Variants in AGBL4 observed in about 807,000 individuals in gnomAD.
The protein encoded by AGBL4 is AGBL carboxypeptidase 4, also known as cytosolic carboxypeptidase 6.
A neutral mutation model predicts 66.4 loss-of-function variants in AGBL4; 58 were observed. The ratio of observed to expected loss-of-function variants is 0.87; its 90% CI spans 0.71 to 1.09. AGBL4 has a LOEUF of 1.09. AGBL4 is among the 50% of genes least tolerant of loss of function. The probability of loss-of-function intolerance (pLI) is 0.00; values close to 1 mark genes in which losing one functional copy is unlikely to be tolerated. For synonymous variants in AGBL4, 234 were observed against 222.9 expected (o/e 1.05, Z -0.44); for missense variants, 579 against 631.0 (o/e 0.92, Z 0.88).
intron 2 of AGBL4, among the ~76,000 whole-genome samples, chr1:49,780,512 T>C (rs1254236635): frequency 2.6e-5 from 4 of 152,014 alleles, no homozygotes; most frequent in Admixed American, 6.6e-5. Context: ...ATACATAGAA[T>C]TACATAAAAT....
chr1:49,395,560 GTGTGA>G (rs1034159769), intron 3 of AGBL4, among the ~76,000 whole-genome samples: 1 of 149,882 alleles, frequency 6.7e-6, no homozygotes, highest in Non-Finnish European at 1.5e-5. Flanking sequence ...GTGTGTGTGT[GTGTGA>G]TATTATATAT....
chr1:49,157,824 T>C (rs1035832807), intron 4 of AGBL4, among the ~76,000 whole-genome samples: 5 of 152,360 alleles, frequency 3.3e-5, no homozygotes, highest in Non-Finnish European at 4.4e-5. Flanking sequence ...ATTTCTCTAA[T>C]GACCAGTGAT....
At chr1:48,684,937 G>T (rs1042234626) in intron 6 of AGBL4, among the ~76,000 whole-genome samples, 19 of 152,202 alleles carry the variant, frequency 1.2e-4, no homozygotes, top group African/African-American at 4.3e-4. Flanking sequence ...TTCAATTCCT[G>T]CCTTCACTTC....
intron 3 of AGBL4, among the ~76,000 whole-genome samples, chr1:49,655,387 G>C (rs757377805): frequency 2.0e-5 from 3 of 152,020 alleles, no homozygotes; most frequent in Non-Finnish European, 4.4e-5. Context: ...CTTCATTTCA[G>C]CTTTGGTGAA....
intron 4 of AGBL4, among the ~76,000 whole-genome samples, chr1:49,055,411 T>C (rs1644291308): frequency 6.6e-6 from 1 of 152,090 alleles, no homozygotes; most frequent in East Asian, 1.9e-4. Flanking sequence ...ATTTATAAAA[T>C]GTGCTCTAAG....
At chr1:48,904,066 G>A (rs1413812755) in intron 5 of AGBL4, among the ~76,000 whole-genome samples, 3 of 152,144 alleles carry the variant, frequency 2.0e-5, no homozygotes, top group Admixed American at 1.3e-4. Flanking sequence ...ATCACCTGAG[G>A]TTAGGAGTTC....
chr1:49,235,871 C>T (rs1423982829), intron 4 of AGBL4, among the ~76,000 whole-genome samples: 3 of 152,112 alleles, frequency 2.0e-5, no homozygotes, highest in Admixed American at 6.6e-5. Flanking sequence ...ACTCCTGGCT[C>T]ATTCCATGAG....
intron 1 of AGBL4, among the ~76,000 whole-genome samples, chr1:49,901,985 T>C (rs1649811110): frequency 6.6e-6 from 1 of 152,170 alleles, no homozygotes; most frequent in African/African-American, 2.4e-5. Flanking sequence ...TGGCTAGCCA[T>C]ATTCAGAAGA....
chr1:49,617,809 G>A (rs757024491), intron 3 of AGBL4, among the ~76,000 whole-genome samples: 2 of 152,184 alleles, frequency 1.3e-5, no homozygotes, highest in Non-Finnish European at 2.9e-5. Context: ...CTAAATAATA[G>A]ACAGTCCAGT....
intron 4 of AGBL4, among the ~76,000 whole-genome samples, chr1:49,148,614 G>C (rs1646266151): frequency 6.6e-6 from 1 of 152,162 alleles, no homozygotes; most frequent in Admixed American, 6.5e-5. Flanking sequence ...GTCCAAGCAG[G>C]ATGTCCTGAG....
chr1:48,960,302 G>C (rs974910991), intron 5 of AGBL4, among the ~76,000 whole-genome samples: 1 of 152,150 alleles, frequency 6.6e-6, no homozygotes, highest in Non-Finnish European at 1.5e-5. Context: ...GGGAGACTTT[G>C]GGGAAGTGGT....
chr1:49,702,909 A>T (rs1209109218), intron 2 of AGBL4, among the ~76,000 whole-genome samples: 1 of 152,138 alleles, frequency 6.6e-6, no homozygotes, highest in Non-Finnish European at 1.5e-5. Flanking sequence ...CATGATAAGA[A>T]TACTCAAGAT....
intron 4 of AGBL4, among the ~76,000 whole-genome samples, chr1:49,229,440 A>C (rs1040812353): frequency 1.3e-5 from 2 of 152,200 alleles, no homozygotes; most frequent in Non-Finnish European, 2.9e-5. Flanking sequence ...GTCTAGAAAA[A>C]CTACCTGCAC....
At chr1:48,805,414 G>A (rs978076244) in intron 6 of AGBL4, among the ~76,000 whole-genome samples, 3 of 152,168 alleles carry the variant, frequency 2.0e-5, no homozygotes, top group Admixed American at 6.5e-5. Flanking sequence ...TAGAATAGCT[G>A]TGCGGTAGAA....
intron 3 of AGBL4, among the ~76,000 whole-genome samples, chr1:49,586,889 C>T (rs770719333): frequency 2.6e-5 from 4 of 152,140 alleles, no homozygotes; most frequent in Non-Finnish European, 4.4e-5. Context: ...TCTGTCTTGA[C>T]TCATCTAGTT....
In AGBL4 at chr1:49,095,049, CAGAG is replaced by C. The variant is rs905170138; in HGVS notation, c.378-49253_378-49250del. Among the ~76,000 whole-genome samples the C allele has an allele frequency of 1.5e-4, 23 of 152,250 alleles. No homozygotes were observed. The East Asian group carries it at 3.9e-3, about 26-fold the overall frequency. On this transcript the variant is annotated intron_variant, in intron 4 of 13. Coordinates refer to ENST00000371839, the MANE Select transcript of AGBL4 (RefSeq NM_032785.4). The stretch of plus-strand genomic sequence containing the variant: ...TTCTTATACACCAATAACAGACAAA[CAGAG>C]AGCCAAATCATGAGCAAACTCCCAT...
intron 2 of AGBL4, among the ~76,000 whole-genome samples, chr1:49,712,698 G>A (rs983697027): frequency 6.6e-6 from 1 of 151,794 alleles, no homozygotes; most frequent in Non-Finnish European, 1.5e-5. Context: ...AAAAAAGAAA[G>A]CTGTACATCT....
At chr1:49,387,686 T>C (rs1644764024) in intron 3 of AGBL4, among the ~76,000 whole-genome samples, 1 of 152,060 alleles carries the variant, frequency 6.6e-6, no homozygotes, top group African/African-American at 2.4e-5. Flanking sequence ...GTTTCTATGT[T>C]TTCAAAACAC....
chr1:49,762,330 C>G (rs1377466143), intron 2 of AGBL4, among the ~76,000 whole-genome samples: 1 of 151,674 alleles, frequency 6.6e-6, no homozygotes, highest in South Asian at 2.1e-4. Context: ...ATTAGTGATG[C>G]TGAATATTTT....
Sources: gnomAD v4.1 joint callset for allele counts (sites outside exome capture counted in the v4.1 genomes callset) on GRCh38, gnomAD v4.1.1 for gene constraint, MANE v1.5 for transcripts, NCBI Gene and HGNC (gene_info 2026-07-23, HGNC 2026-07-21) for gene names.